The following ZNF544 variants were observed in gnomAD, a reference collection of about 807,000 sequenced individuals.
ZNF544 encodes the protein zinc finger protein AF020591.
A neutral mutation model predicts 13.5 loss-of-function variants in ZNF544; 10 were observed. The ratio of observed to expected loss-of-function variants is 0.74; its 90% CI spans 0.46 to 1.25. The LOEUF (loss-of-function observed/expected upper bound fraction) is 1.25. Ranked by LOEUF, ZNF544 falls within the 50% of genes most tolerant of loss-of-function variation. ZNF544 has a pLI of 0.00. For missense variants in ZNF544, 896 were observed against 845.6 expected, an observed-to-expected ratio of 1.06 and a Z score of -0.74; for synonymous variants, 323 against 300.5, an observed-to-expected ratio of 1.07 and a Z score of -0.77.
chr19:58,243,984 C>G lies in ZNF544; in HGVS notation c.-40C>G. On this transcript the variant is annotated 5_prime_UTR_variant, in exon 4 of 7. Transcript: ENST00000687789. ...CCCCAGACTGGTCTTCTGAGGACCT[C>G]TGCCCTCTACACAGCGGCCTCTTCA... 1 of 1,597,308 alleles carries G rather than the reference C, an allele frequency of 6.3e-7. No homozygotes were observed. Among genetic ancestry groups the G allele is most frequent in the Non-Finnish European group, 8.5e-7 (1 of 1,171,498 alleles).
chr19:58,276,617 GCCA>G (rs1235090839), intron 6 of ZNF544, among the ~76,000 whole-genome samples: 6 of 152,022 alleles, frequency 3.9e-5, no homozygotes, highest in African/African-American at 7.2e-5. Flanking sequence ...ACAGGTGCCC[GCCA>G]CCACACCTGG....
At chr19:58,267,176 C>G (rs945316985), downstream of ZNF544, 1 of 152,232 alleles carries the variant, frequency 6.6e-6, no homozygotes, top group Non-Finnish European at 1.5e-5. Flanking sequence ...ATTCTCCTGC[C>G]GCAATGTCCC....
chr19:58,248,000 G>A (rs945753049), intron 6 of ZNF544, among the ~76,000 whole-genome samples: 4 of 150,424 alleles, frequency 2.7e-5, no homozygotes, highest in East Asian at 2.0e-4. Context: ...TGCAACCTCC[G>A]CCCCCCAGGT....
intron 3 of ZNF544, among the ~76,000 whole-genome samples, chr19:58,241,117 A>G (rs2146831621): frequency 7.0e-6 from 1 of 142,056 alleles, no homozygotes; most frequent in African/African-American, 2.7e-5. Flanking sequence ...GACCACAGGC[A>G]TGCACCACCA....
chr19:58,232,744 A>G (rs1201895355), intron 3 of ZNF544, among the ~76,000 whole-genome samples: 1 of 148,460 alleles, frequency 6.7e-6, no homozygotes, highest in African/African-American at 2.5e-5. Flanking sequence ...CCTGGCTAAC[A>G]TGGGGAAACC....
At chr19:58,277,162 C>G in intron 6 of ZNF544, 1 of 1,231,590 alleles carries the variant, frequency 8.1e-7, no homozygotes, top group Non-Finnish European at 1.0e-6. Flanking sequence ...TGTAACTTGC[C>G]TAACACCTGC....
In ZNF544 at chr19:58,262,104, T is replaced by A; in HGVS notation, c.1498T>A (p.Ser500Thr). 1 of 1,606,694 alleles carries A rather than the reference T, an allele frequency of 6.2e-7. No homozygotes were observed. Among genetic ancestry groups the A allele is most frequent in the Non-Finnish European group, 8.5e-7 (1 of 1,178,242 alleles). Reference sequence around the variant, plus strand: ...CTTCAAATGTACTCAGTGTGGGAAATCTTTCAGCCAGAAGTATGACCTTGT... The same window carrying A: ...CTTCAAATGTACTCAGTGTGGGAAAACTTTCAGCCAGAAGTATGACCTTGT... ...KPFKCTQCGK[S>T]FSQKYDLVVH... Residue 500 changes from serine to threonine, a missense_variant, in exon 7 of 7, where the codon TCT becomes ACT. By Grantham distance (58) the Ser-to-Thr change is moderately conservative. Coordinates refer to ENST00000687789, the MANE Select transcript of ZNF544 (RefSeq NM_014480.4).
chr19:58,236,826 C>T (rs1291167492), intron 3 of ZNF544, among the ~76,000 whole-genome samples: 1 of 151,496 alleles, frequency 6.6e-6, no homozygotes, highest in Non-Finnish European at 1.5e-5. Flanking sequence ...ACTGCAACCT[C>T]CATTCCCCGG....
Position 58,262,384 on chromosome 19 carries a change from C to T in ZNF544, c.1778C>T (p.Ala593Val). ...KSFSQSYQLV[A>V]HKRTHTGEKP... ...TTCAGCCAAAGCTATCAGTTAGTTG[C>T]ACATAAAAGAACTCACACTGGAGAA... Residue 593 changes from alanine to valine, a missense_variant, in exon 7 of 7, where the codon GCA becomes GTA. Ala to Val is a moderately conservative substitution (Grantham distance 64). Coordinates refer to ENST00000687789, the MANE Select transcript of ZNF544 (RefSeq NM_014480.4). 2.5e-6 allele frequency: 4 copies of T among 1,613,882 alleles called. No homozygotes were observed. The highest frequency in any genetic ancestry group is 1.1e-5 in the South Asian group (1 of 91,060).
At chr19:58,266,212 C>CCAA (rs1555771116), downstream of ZNF544, among the ~76,000 whole-genome samples, 50 of 46,208 alleles carry the variant, frequency 1.1e-3, no homozygotes, top group African/African-American at 4.4e-3. Context: ...GACTCTGTCT[C>CCAA]AAAAAAAAAA....
chr19:58,259,657 C>G (rs1457723429), intron 6 of ZNF544: 1 of 152,220 alleles, frequency 6.6e-6, no homozygotes, highest in Admixed American at 6.5e-5. Context: ...TTCTCATCAC[C>G]TCCTCTGTGT....
intron 6 of ZNF544, among the ~76,000 whole-genome samples, chr19:58,256,006 C>T (rs187323282): frequency 2.6e-5 from 4 of 152,326 alleles, no homozygotes; most frequent in Admixed American, 6.5e-5. Context: ...TGGGTGGTAG[C>T]GGTCAGGCAC....
In ZNF544 at chr19:58,233,158, TG is replaced by T. The variant is rs1275096435; in HGVS notation, c.-60+2697del. 9.9e-5 allele frequency among the ~76,000 whole-genome samples: 15 copies of T among 151,666 alleles called. No homozygotes were observed. The East Asian group carries it at 1.9e-3, about 19-fold the overall frequency. On this transcript the variant is annotated intron_variant, in intron 3 of 6. Coordinates refer to ENST00000687789, the MANE Select transcript of ZNF544 (RefSeq NM_014480.4). ...GTAAAAGCGTCAGATCTCGTGAAAC[TG>T]TCATAAGAACAGCAAGGAAAAGACC...
chr19:58,238,990 A>G (rs566846306), intron 3 of ZNF544, among the ~76,000 whole-genome samples: 80 of 152,248 alleles, frequency 5.3e-4, no homozygotes, highest in African/African-American at 1.9e-3. Context: ...CAGGGGAGGC[A>G]AGAGTGTTCA....
chr19:58,254,303 G>T (rs2147343392), intron 6 of ZNF544, among the ~76,000 whole-genome samples: 1 of 152,100 alleles, frequency 6.6e-6, no homozygotes, highest in Non-Finnish European at 1.5e-5. Context: ...GCAAACTCCA[G>T]ATTCCAAACA....
chr19:58,233,884 C>T (rs1568738494), intron 3 of ZNF544, among the ~76,000 whole-genome samples: 2 of 152,154 alleles, frequency 1.3e-5, no homozygotes, highest in Admixed American at 1.3e-4. Context: ...GTCTTGATTC[C>T]CCTCCTCCTA....
At chr19:58,268,690 A>T (rs974428522), downstream of ZNF544, among the ~76,000 whole-genome samples, 65 of 152,352 alleles carry the variant, frequency 4.3e-4, no homozygotes, top group African/African-American at 1.5e-3. Context: ...AACTTTTCTA[A>T]ATAGGTAAAA....
intron 6 of ZNF544, among the ~76,000 whole-genome samples, chr19:58,246,997 A>T (rs1364198377): frequency 6.6e-6 from 1 of 151,926 alleles, no homozygotes; most frequent in African/African-American, 2.4e-5. Flanking sequence ...TGAGTGTGGA[A>T]CCCTCACCAC....
At position 58,246,696 on chromosome 19, in the gene ZNF544, T is replaced by G. The variant is rs906875567; in HGVS notation, c.161-15T>G. ...TCCAAGCAGAGGGGCAAGTCCTTTT[T>G]CCGTCTTTGACCAGGGCTTTTCCTT... On this transcript the variant is annotated splice_polypyrimidine_tract_variant and intron_variant, in intron 5 of 6. Transcript: ENST00000687789. 6.8e-6 allele frequency: 11 copies of G among 1,613,498 alleles called. No individual in the cohort carries two copies. Among genetic ancestry groups the G allele is most frequent in the Admixed American group, 5.0e-5 (3 of 59,868 alleles).
Sources: allele counts gnomAD v4.1 joint callset (sites outside exome capture counted in the v4.1 genomes callset), GRCh38; gene constraint gnomAD v4.1.1; transcripts MANE v1.5; gene names NCBI Gene and HGNC (gene_info 2026-07-23, HGNC 2026-07-21).